Variants in PCDH9 observed in about 807,000 individuals in gnomAD.
The protein encoded by PCDH9 is protocadherin 9.
A neutral mutation model predicts 70.6 loss-of-function variants in PCDH9; 24 were observed. The ratio of observed to expected loss-of-function variants is 0.34; its 90% CI spans 0.25 to 0.48. The LOEUF is 0.48. Ranked by LOEUF, PCDH9 falls within the 20% of genes least tolerant of loss-of-function variation. The pLI, the probability that PCDH9 is intolerant of heterozygous loss-of-function variation, is 0.99. For synonymous variants in PCDH9, 562 were observed against 558.5 expected (o/e 1.01, Z -0.09); for missense variants, 1,281 against 1,503.6 (o/e 0.85, Z 2.45).
intron 2 of PCDH9, among the ~76,000 whole-genome samples, chr13:67,112,395 G>A (rs1195756146): frequency 1.3e-5 from 2 of 152,142 alleles, no homozygotes; most frequent in South Asian, 2.1e-4. Context: ...ATGATCAGCA[G>A]CAGAACTCTT....
Position 66,540,022 on chromosome 13 carries a change from A to T in PCDH9, c.3340+91188T>A, listed in dbSNP as rs368718437. On this transcript the variant is annotated intron_variant, in intron 4 of 4. Coordinates refer to ENST00000377865, the MANE Select transcript of PCDH9 (RefSeq NM_203487.3). ...GTAGCTGAGATTACAGGCCTGAACC[A>T]CTATGCCCAGCTATTTTTTAATTTT... 7.9e-5 allele frequency among the ~76,000 whole-genome samples: 12 copies of T among 151,762 alleles called. No individual in the cohort carries two copies. In the South Asian group the frequency reaches 1.7e-3, roughly 21 times the overall value.
chr13:67,108,443 G>T (rs906261848), intron 2 of PCDH9, among the ~76,000 whole-genome samples: 4 of 152,168 alleles, frequency 2.6e-5, no homozygotes, highest in East Asian at 1.9e-4. Context: ...CAGTTAATGG[G>T]AATGAGGCAG....
At chr13:66,539,381 T>C (rs1219576927) in intron 4 of PCDH9, among the ~76,000 whole-genome samples, 2 of 152,118 alleles carry the variant, frequency 1.3e-5, no homozygotes, top group Non-Finnish European at 2.9e-5. Context: ...AATTGAATCA[T>C]GGGTGTGGTT....
intron 2 of PCDH9, among the ~76,000 whole-genome samples, chr13:67,065,568 G>A (rs908691958): frequency 5.9e-5 from 9 of 152,038 alleles, no homozygotes; most frequent in Non-Finnish European, 1.0e-4. Context: ...CACCATAATA[G>A]TATAGTTTAG....
intron 2 of PCDH9, among the ~76,000 whole-genome samples, chr13:67,165,817 C>T (rs777562015): frequency 3.4e-4 from 52 of 152,078 alleles, no homozygotes; most frequent in Admixed American, 7.9e-4. Context: ...GATTTTAAGA[C>T]GCATGGACAT....
At chr13:66,749,219 A>T (rs1219287256) in intron 3 of PCDH9, among the ~76,000 whole-genome samples, 2 of 152,176 alleles carry the variant, frequency 1.3e-5, no homozygotes, top group African/African-American at 4.8e-5. Context: ...AAATCAGATG[A>T]TGTGGGTGCA....
At chr13:66,495,968 G>T (rs1211206829) in intron 4 of PCDH9, among the ~76,000 whole-genome samples, 1 of 152,130 alleles carries the variant, frequency 6.6e-6, no homozygotes, top group Admixed American at 6.5e-5. Flanking sequence ...ATGTTGATTT[G>T]CTGATGTGAT....
At chr13:66,704,631 A>C (rs1312954767) in intron 3 of PCDH9, among the ~76,000 whole-genome samples, 1 of 152,162 alleles carries the variant, frequency 6.6e-6, no homozygotes, top group Non-Finnish European at 1.5e-5. Flanking sequence ...ATAATATCGC[A>C]AGACAGAATG....
At chr13:66,379,904 G>A (rs747905023) in intron 4 of PCDH9, among the ~76,000 whole-genome samples, 1 of 152,028 alleles carries the variant, frequency 6.6e-6, no homozygotes, top group Admixed American at 6.6e-5. Flanking sequence ...TGAATAACTA[G>A]TTGGGGCAAA....
chr13:66,646,940 T>C (rs2077779021), intron 3 of PCDH9, among the ~76,000 whole-genome samples: 2 of 152,094 alleles, frequency 1.3e-5, no homozygotes, highest in East Asian at 1.9e-4. Context: ...TGGAACTCGG[T>C]GCTGCCCTGT....
rs762444186 is a variant in PCDH9 at position 66,817,736 on chromosome 13, C to A, written c.3138+85768G>T. Among the ~76,000 whole-genome samples, 57 of 152,146 alleles carry A rather than the reference C, an allele frequency of 3.7e-4. 1 individual carries two copies. Among genetic ancestry groups the A allele is most frequent in the Non-Finnish European group, 6.0e-4 (41 of 67,988 alleles). ...CCTCGACCTCCTGGGCTCAAGCAAT[C>A]TTCCTGCCTCAGCCCTCCAAGCATT... On this transcript the variant is annotated intron_variant, in intron 3 of 4. Coordinates refer to ENST00000377865, the MANE Select transcript of PCDH9 (RefSeq NM_203487.3).
chr13:67,150,605 A>G (rs926194796), intron 2 of PCDH9, among the ~76,000 whole-genome samples: 5 of 152,210 alleles, frequency 3.3e-5, no homozygotes, highest in Admixed American at 1.3e-4. Flanking sequence ...AAGTCATGTG[A>G]TTCTTAAACA....
intron 4 of PCDH9, among the ~76,000 whole-genome samples, chr13:66,624,714 C>T (rs1033971653): frequency 6.6e-6 from 1 of 152,186 alleles, no homozygotes; most frequent in Non-Finnish European, 1.5e-5. Context: ...TACTGAAAAT[C>T]TCTGCTTAAT....
intron 2 of PCDH9, among the ~76,000 whole-genome samples, chr13:67,129,504 C>T (rs951200276): frequency 1.3e-5 from 2 of 151,750 alleles, no homozygotes; most frequent in Non-Finnish European, 2.9e-5. Context: ...CCTTTTTGTA[C>T]CATGTGAATT....
At chr13:66,580,061 T>A (rs1286272262) in intron 4 of PCDH9, among the ~76,000 whole-genome samples, 1 of 152,038 alleles carries the variant, frequency 6.6e-6, no homozygotes, top group East Asian at 1.9e-4. Context: ...GATATATACA[T>A]CTCTAAAGAT....
chr13:67,066,123 C>T (rs1280044656), intron 2 of PCDH9, among the ~76,000 whole-genome samples: 1 of 152,002 alleles, frequency 6.6e-6, no homozygotes, highest in African/African-American at 2.4e-5. Flanking sequence ...TGTGAGAGTT[C>T]AGGGTTGTTT....
rs570001709 is a variant in PCDH9, at chr13:66,555,822, G to T, written c.3340+75388C>A. Among the ~76,000 whole-genome samples, 4 of 146,228 alleles carry T rather than the reference G, an allele frequency of 2.7e-5. No homozygotes were observed. The Admixed American group carries it at 2.8e-4, about 10-fold the overall frequency. On this transcript the variant is annotated intron_variant, in intron 4 of 4. Transcript: ENST00000377865. ...AGCAATTTAATTAACAATGGGTATGGTCCCAATAAGTACCATGAAATTTTA... is the reference window on the plus strand; with the variant it reads ...AGCAATTTAATTAACAATGGGTATGTTCCCAATAAGTACCATGAAATTTTA...
intron 3 of PCDH9, among the ~76,000 whole-genome samples, chr13:66,633,847 C>T (rs1034139085): frequency 3.3e-5 from 5 of 152,138 alleles, no homozygotes; most frequent in African/African-American, 1.2e-4. Context: ...GATATTTCTT[C>T]CTCATAATGA....
chr13:66,463,438 T>C (rs1958460871), intron 4 of PCDH9, among the ~76,000 whole-genome samples: 1 of 150,532 alleles, frequency 6.6e-6, no homozygotes, highest in African/African-American at 2.4e-5. Context: ...GCACAGCAAA[T>C]AACAAAACAA....
Sources: allele counts gnomAD v4.1 joint callset (sites outside exome capture counted in the v4.1 genomes callset), GRCh38; gene constraint gnomAD v4.1.1; transcripts MANE v1.5; gene names NCBI Gene and HGNC (gene_info 2026-07-23, HGNC 2026-07-21).